The following BABAM1 variants were observed in gnomAD, a reference collection of about 807,000 sequenced individuals.
BABAM1 encodes the protein BRISC and BRCA1 A complex member 1.
A neutral mutation model predicts 34.4 loss-of-function variants in BABAM1; 14 were observed. That is an observed-to-expected ratio of 0.41 (90% CI 0.27 to 0.64). The LOEUF (loss-of-function observed/expected upper bound fraction) is 0.64, where lower values mean the gene tolerates loss of function less well. Ranked by LOEUF, BABAM1 falls within the 30% of genes least tolerant of loss-of-function variation. BABAM1 has a pLI of 0.34. For synonymous variants in BABAM1, 169 were observed against 165.8 expected, an observed-to-expected ratio of 1.02 and a Z score of -0.15; for missense variants, 393 against 434.0, an observed-to-expected ratio of 0.91 and a Z score of 0.84.
At chr19:17,273,383 A>G (rs10403581) in intron 3 of BABAM1, among the ~76,000 whole-genome samples, 1 of 151,868 alleles carries the variant, frequency 6.6e-6, no homozygotes, top group Non-Finnish European at 1.5e-5. Context: ...TCTAGGGGAA[A>G]CTTGAGCCCC....
chr19:17,277,167 C>A, intron 8 of BABAM1: 1 of 387,410 alleles, frequency 2.6e-6, no homozygotes, highest in Non-Finnish European at 4.5e-6. Flanking sequence ...GCGTTCCTTT[C>A]TTTCTTGCTT....
Position 17,279,112 on chromosome 19 carries a change from A to G in BABAM1, c.*64A>G. 1 of 1,521,672 alleles carries G rather than the reference A, an allele frequency of 6.6e-7. No homozygotes were observed. The highest frequency in any genetic ancestry group is 1.4e-5 in the African/African-American group (1 of 72,968). 94.3% of individuals were successfully genotyped at this position (1,521,672 alleles called of 1,614,324 possible). A position where few individuals can be genotyped will look rare whatever the true frequency, so the allele number is the denominator to read the frequency against. On this transcript the variant is annotated 3_prime_UTR_variant, in exon 9 of 9. Transcript: ENST00000598188. ...TCCTTGGCCTAAAGCCTTGGTTCTCAAACTGGGTTCCTTGGGACCTCCGGG... is the reference window on the plus strand; with the variant it reads ...TCCTTGGCCTAAAGCCTTGGTTCTCGAACTGGGTTCCTTGGGACCTCCGGG...
At chr19:17,274,287 C>A in intron 5 of BABAM1, 102 bp downstream of exon 5, 1 of 1,401,988 alleles carries the variant, frequency 7.1e-7, no homozygotes, top group Non-Finnish European at 9.9e-7. Flanking sequence ...GGCTGAGGTT[C>A]AGATCTCAGA....
At chr19:17,270,217 C>G (rs1051168662) in intron 2 of BABAM1, among the ~76,000 whole-genome samples, 5 of 152,086 alleles carry the variant, frequency 3.3e-5, no homozygotes, top group Non-Finnish European at 5.9e-5. Context: ...AGGCGTGAGC[C>G]ACCGCACCCA....
intron 2 of BABAM1, among the ~76,000 whole-genome samples, chr19:17,270,022 C>G (rs112096899): frequency 1.3e-5 from 2 of 151,940 alleles, no homozygotes; most frequent in South Asian, 4.2e-4. Context: ...GCTCTGCCTC[C>G]CGGGTTCATG....
chr19:17,269,933 T>C (rs553677709), intron 2 of BABAM1, among the ~76,000 whole-genome samples: 8 of 150,598 alleles, frequency 5.3e-5, no homozygotes, highest in Non-Finnish European at 8.9e-5. Context: ...TTCTTTCTTT[T>C]TTTTTTTTTT....
In BABAM1 at chr19:17,269,059, C is replaced by T. The variant is rs765555081; in HGVS notation, c.253C>T (p.Arg85Trp). Residue 85 changes from arginine (R) to tryptophan (W), a missense_variant, in exon 2 of 9, where the codon CGG becomes TGG. Transcript: ENST00000598188. ...CCCGCCAGCCCCTGAGGTCCAAATT[C>T]GGACACCAAGGGTCAACTGTCCAGA... Reference protein sequence around the residue: ...VPPPAPEVQIRTPRVNCPEKV... With the variant: ...VPPPAPEVQIWTPRVNCPEKV... 3.7e-6 allele frequency: 6 copies of T among 1,606,402 alleles called. No homozygotes were observed. Among genetic ancestry groups the T allele is most frequent in the African/African-American group, 1.3e-5 (1 of 74,790 alleles).
chr19:17,271,575 C>T, intron 2 of BABAM1, 22 bp from the exon 3 acceptor site: 1 of 1,612,926 alleles, frequency 6.2e-7, no homozygotes, highest in Non-Finnish European at 8.5e-7. Flanking sequence ...AGGACGCTCA[C>T]CACCCTCCAA....
intron 5 of BABAM1, chr19:17,274,571 T>TA (rs11291512): frequency 1.2e-3 from 201 of 166,788 alleles, no homozygotes; most frequent in South Asian, 6.2e-3. Flanking sequence ...CCGTCTTTTT[T>TA]AAAAAAAAAA....
intron 5 of BABAM1, 88 bp downstream of exon 5, chr19:17,274,273 G>T (rs2073882298): frequency 6.7e-7 from 1 of 1,497,018 alleles, no homozygotes. Flanking sequence ...TCATGACTCT[G>T]GCTGGCTGAG....
Position 17,268,823 on chromosome 19 carries a change from C to A in BABAM1, c.17C>A (p.Pro6His). MEVAE[P>H]SSPTEEEEEE... ...ACAGGAGCCATGGAAGTGGCAGAGC[C>A]CAGCAGCCCCACTGAAGAGGAGGAG... The change falls in exon 2 of 9, where the codon CCC (proline) becomes CAC (histidine). Residue 6 changes from proline (P) to histidine (H), a missense_variant. Pro to His is a moderately conservative substitution (Grantham distance 77). Coordinates refer to ENST00000598188, the MANE Select transcript of BABAM1 (RefSeq NM_014173.4). 6.2e-7 allele frequency: 1 copy of A among 1,606,430 alleles called. No homozygotes were observed. The highest frequency in any genetic ancestry group is 8.5e-7 in the Non-Finnish European group (1 of 1,175,494).
chr19:17,274,168 C>T lies in BABAM1; in HGVS notation c.527C>T (p.Ala176Val). 1 of 1,613,186 alleles carries T rather than the reference C, an allele frequency of 6.2e-7. No homozygotes were observed. The highest frequency in any genetic ancestry group is 1.1e-5 in the South Asian group (1 of 91,048). Residue 176 changes from alanine to valine, a missense_variant, in exon 5 of 9, where the codon GCC (alanine) becomes GTC (valine). Ala to Val is a moderately conservative substitution (Grantham distance 64, BLOSUM62 0). Transcript: ENST00000598188. ...LCSCLYDLET[A>V]SCSTFNLEGL... ...AGCTGCCTCTATGATCTGGAGACGG[C>T]CTCCTGTTCCACCTTCAGTATCCTT...
rs1451065021 is a variant in BABAM1, at chr19:17,276,603, C to T, written c.678C>T (p.Phe226=). 1.9e-6 allele frequency: 3 copies of T among 1,605,974 alleles called. No individual in the cohort carries two copies. The highest frequency in any genetic ancestry group is 2.6e-6 in the Non-Finnish European group (3 of 1,176,456). Residue 226 remains phenylalanine (F), a synonymous_variant, in exon 7 of 9, where the codon TTC becomes TTT. Coordinates refer to ENST00000598188, the MANE Select transcript of BABAM1 (RefSeq NM_014173.4). Reference sequence around the variant, plus strand: ...GCCGTCCACCTTGCCAGCCCCAGTTCTCCTTGACGGAGCCCATGAAGGTGG... The same window carrying T: ...GCCGTCCACCTTGCCAGCCCCAGTTTTCCTTGACGGAGCCCATGAAGGTGG... The part of the protein sequence containing the change: ...VYSRPPCQPQ[F]SLTEPMKKMF...
At chr19:17,275,158 G>T (rs934401514) in intron 5 of BABAM1, among the ~76,000 whole-genome samples, 2 of 151,928 alleles carry the variant, frequency 1.3e-5, no homozygotes, top group African/African-American at 4.8e-5. Context: ...GCCCACCCCA[G>T]CCTCCCAAAG....
At position 17,274,100 on chromosome 19, in the gene BABAM1, C is replaced by T; in HGVS notation, c.466-7C>T. 1 of 1,613,762 alleles carries T rather than the reference C, an allele frequency of 6.2e-7. No individual in the cohort carries two copies. The highest frequency in any genetic ancestry group is 8.5e-7 in the Non-Finnish European group (1 of 1,179,870). On this transcript the variant is annotated splice_region_variant and splice_polypyrimidine_tract_variant and intron_variant, in intron 4 of 8. Coordinates refer to ENST00000598188, the MANE Select transcript of BABAM1 (RefSeq NM_014173.4). ...AGCATCGCACTGAGGCCTCTGCTTC[C>T]CTGCAGCTGTCTGGCCTGACCTCCG... is the stretch of plus-strand genomic sequence containing the variant.
chr19:17,275,636 TC>T (rs2073899254), intron 5 of BABAM1, 164 bp from the exon 6 acceptor site: 1 of 770,954 alleles, frequency 1.3e-6, no homozygotes, highest in African/African-American at 1.7e-5. Flanking sequence ...TATTTTGTGA[TC>T]CATGCTGAGG....
chr19:17,277,207 T>C (rs867504936), intron 8 of BABAM1: 37,304 of 243,730 alleles, frequency 0.15, 2,748 homozygotes, highest in Non-Finnish European at 0.18. Flanking sequence ...TTCTTCTTTT[T>C]TTTTTTTTTT....
intron 2 of BABAM1, among the ~76,000 whole-genome samples, chr19:17,271,082 G>A (rs138492960): frequency 0.024 from 3,611 of 150,924 alleles, 145 homozygotes; most frequent in African/African-American, 0.082. Flanking sequence ...TCCACCTCCC[G>A]GGTTCAAGCA....
At chr19:17,268,564 G>C (rs2073797411) in intron 1 of BABAM1, 1 of 412,404 alleles carries the variant, frequency 2.4e-6, no homozygotes, top group South Asian at 3.0e-5. Context: ...CGAGTAGCTG[G>C]GATTATCCGC....
Sources: gnomAD v4.1 joint callset for allele counts (sites outside exome capture counted in the v4.1 genomes callset) on GRCh38, gnomAD v4.1.1 for gene constraint, MANE v1.5 for transcripts, NCBI Gene and HGNC (gene_info 2026-07-23, HGNC 2026-07-21) for gene names.